Variants in CFAP299 observed in about 807,000 individuals in gnomAD.
The protein encoded by CFAP299 is cilia and flagella associated protein 299.
In CFAP299, 21 loss-of-function variants were observed where a neutral mutation model predicts 27.0. The observed-to-expected ratio is 0.78, with a 90% CI of 0.55 to 1.12. The LOEUF (loss-of-function observed/expected upper bound fraction) is 1.12, where lower values mean the gene tolerates loss of function less well. CFAP299 is among the 50% of genes most tolerant of loss of function. The pLI, the probability that CFAP299 is intolerant of heterozygous loss-of-function variation, is 0.00. For missense variants in CFAP299, 310 were observed against 276.6 expected (o/e 1.12, Z -0.86); for synonymous variants, 104 against 98.1 (o/e 1.06, Z -0.36).
chr4:80,654,329 T>G (rs1028224592), intron 3 of CFAP299, among the ~76,000 whole-genome samples: 1 of 152,136 alleles, frequency 6.6e-6, no homozygotes, highest in Non-Finnish European at 1.5e-5. Context: ...TTTATTGGTC[T>G]GGAAGATTTC....
chr4:80,625,691 G>A lies in CFAP299; in HGVS notation c.333+42508G>A, dbSNP rs140641786. On this transcript the variant is annotated intron_variant, in intron 3 of 5. Coordinates refer to ENST00000358105, the MANE Select transcript of CFAP299 (RefSeq NM_152770.3). Reference sequence around the variant, plus strand: ...CATAGACTTAAAGTGAAGGGCTGGAGAAAAATACTGCATGTAAATGGTAGC... The same window carrying A: ...CATAGACTTAAAGTGAAGGGCTGGAAAAAAATACTGCATGTAAATGGTAGC... 5.3e-5 allele frequency among the ~76,000 whole-genome samples: 8 copies of A among 152,060 alleles called. No individual in the cohort carries two copies. The East Asian group carries it at 1.5e-3, about 29-fold the overall frequency.
chr4:80,670,140 C>T (rs1741394123), intron 3 of CFAP299, among the ~76,000 whole-genome samples: 1 of 151,828 alleles, frequency 6.6e-6, no homozygotes, highest in Non-Finnish European at 1.5e-5. Flanking sequence ...CATCCTCTTG[C>T]CCCCCTCCCC....
intron 3 of CFAP299, among the ~76,000 whole-genome samples, chr4:80,842,281 T>C (rs995801394): frequency 7.9e-5 from 12 of 152,262 alleles, no homozygotes; most frequent in African/African-American, 2.4e-4. Flanking sequence ...GCACAGACAT[T>C]GGGTCATGGT....
intron 3 of CFAP299, among the ~76,000 whole-genome samples, chr4:80,606,853 A>G (rs1737705540): frequency 6.6e-6 from 1 of 152,208 alleles, no homozygotes; most frequent in Non-Finnish European, 1.5e-5. Context: ...CGGATAAAAA[A>G]ACTAAGATTT....
chr4:80,458,975 T>A (rs939424141), intron 2 of CFAP299, among the ~76,000 whole-genome samples: 2 of 152,058 alleles, frequency 1.3e-5, no homozygotes, highest in African/African-American at 4.8e-5. Context: ...TTTTAATTTT[T>A]AATTTTTTAA....
chr4:80,890,396 A>T (rs1387189949), intron 4 of CFAP299, among the ~76,000 whole-genome samples: 1 of 152,210 alleles, frequency 6.6e-6, no homozygotes, highest in Non-Finnish European at 1.5e-5. Context: ...AATAAAAGAA[A>T]ATACCTAGGA....
intron 3 of CFAP299, among the ~76,000 whole-genome samples, chr4:80,861,919 A>G (rs546277453): frequency 1.6e-3 from 243 of 152,226 alleles, no homozygotes; most frequent in Non-Finnish European, 2.6e-3. Context: ...GTAAATTACC[A>G]GTTCATATAT....
chr4:80,535,816 G>A (rs2110192939), intron 2 of CFAP299, among the ~76,000 whole-genome samples: 1 of 152,318 alleles, frequency 6.6e-6, no homozygotes, highest in East Asian at 1.9e-4. Context: ...ATAGCATGGT[G>A]TAATTATTTA....
the CFAP299 span, among the ~76,000 whole-genome samples, chr4:80,329,208 C>CGT: frequency 2.2e-5 from 3 of 136,046 alleles, no homozygotes; most frequent in African/African-American, 8.6e-5. Flanking sequence ...ACACTGTATA[C>CGT]ATATATATAT....
intron 3 of CFAP299, among the ~76,000 whole-genome samples, chr4:80,592,798 A>G (rs1319232243): frequency 2.0e-5 from 3 of 152,210 alleles, no homozygotes; most frequent in Non-Finnish European, 4.4e-5. Context: ...GGAGAAAATT[A>G]CGTTGCATAA....
In CFAP299 at chr4:80,794,044, A is replaced by G. The variant is rs143534531; in HGVS notation, c.334-75949A>G. 3.9e-3 allele frequency among the ~76,000 whole-genome samples: 596 copies of G among 152,312 alleles called. 3 individuals are homozygous for G. The highest frequency in any genetic ancestry group is 0.014 in the African/African-American group (575 of 41,568). On this transcript the variant is annotated intron_variant, in intron 3 of 5. Transcript: ENST00000358105. Reference sequence around the variant, plus strand: ...TTCCCATTGACATTAATCACAGGGCATAGTAATACTAAGAGATGCCCTAAT... The same window carrying G: ...TTCCCATTGACATTAATCACAGGGCGTAGTAATACTAAGAGATGCCCTAAT...
chr4:80,715,939 C>G (rs1722453542), intron 3 of CFAP299, among the ~76,000 whole-genome samples: 2 of 151,844 alleles, frequency 1.3e-5, no homozygotes, highest in Non-Finnish European at 2.9e-5. Context: ...TAAGAATAAC[C>G]ATGGAAAAGC....
chr4:80,534,326 A>T (rs1000733840), intron 2 of CFAP299, among the ~76,000 whole-genome samples: 5 of 151,484 alleles, frequency 3.3e-5, no homozygotes, highest in Admixed American at 3.3e-4. Context: ...GAAAAAAAAA[A>T]AAAAAACAAC....
intron 1 of CFAP299, among the ~76,000 whole-genome samples, chr4:80,351,574 T>C (rs1293332057): frequency 5.3e-5 from 8 of 151,780 alleles, no homozygotes; most frequent in Non-Finnish European, 1.2e-4. Context: ...ATGGGACTAA[T>C]AAGAAAGAAA....
chr4:80,514,477 C>T (rs1299171598), intron 2 of CFAP299, among the ~76,000 whole-genome samples: 4 of 151,948 alleles, frequency 2.6e-5, no homozygotes, highest in Non-Finnish European at 5.9e-5. Context: ...TGAACTCTTC[C>T]AATTCAACTG....
intron 3 of CFAP299, among the ~76,000 whole-genome samples, chr4:80,724,917 T>C: frequency 6.8e-6 from 1 of 147,712 alleles, no homozygotes; most frequent in East Asian, 1.9e-4. Flanking sequence ...CTTTCTTTCC[T>C]TCTTTCTTCT....
At chr4:80,547,483 A>G (rs1734292023) in intron 2 of CFAP299, among the ~76,000 whole-genome samples, 1 of 152,178 alleles carries the variant, frequency 6.6e-6, no homozygotes, top group African/African-American at 2.4e-5. Context: ...GTTTATGACT[A>G]AGTCCTCAAA....
intron 3 of CFAP299, among the ~76,000 whole-genome samples, chr4:80,648,354 T>G (rs1017767859): frequency 6.6e-6 from 1 of 152,200 alleles, no homozygotes; most frequent in African/African-American, 2.4e-5. Flanking sequence ...ATTTATGGTT[T>G]TAAAATGGTA....
intron 4 of CFAP299, among the ~76,000 whole-genome samples, chr4:80,886,311 G>A (rs889949975): frequency 5.3e-5 from 8 of 152,222 alleles, no homozygotes. Flanking sequence ...TTCGGGCAAA[G>A]CCCAGTTTTG....
Sources: allele counts gnomAD v4.1 joint callset (sites outside exome capture counted in the v4.1 genomes callset), GRCh38; gene constraint gnomAD v4.1.1; transcripts MANE v1.5; gene names NCBI Gene and HGNC (gene_info 2026-07-23, HGNC 2026-07-21).